Variants in SIK2 observed in about 807,000 individuals in gnomAD.
SIK2 encodes the protein serine/threonine-protein kinase SIK2.
SIK2 carries 29 observed loss-of-function variants against 103.2 expected under a neutral mutation model. The observed-to-expected ratio is 0.28, with a 90% CI of 0.21 to 0.38. The LOEUF is 0.38. SIK2 is among the 10% of genes least tolerant of loss of function. The pLI is 1.00. For synonymous variants in SIK2, 412 were observed against 446.1 expected (o/e 0.92, Z 0.96); for missense variants, 879 against 1,171.0 (o/e 0.75, Z 3.64).
chr11:111,628,224 C>T (rs1429519403), intron 3 of SIK2, among the ~76,000 whole-genome samples: 1 of 151,982 alleles, frequency 6.6e-6, no homozygotes, highest in Non-Finnish European at 1.5e-5. Context: ...TATAAACCAA[C>T]CTTCCTTTCT....
intron 10 of SIK2, 144 bp from the exon 11 acceptor site, chr11:111,720,334 C>T: frequency 1.1e-6 from 1 of 876,258 alleles, no homozygotes; most frequent in Non-Finnish European, 1.7e-6. Flanking sequence ...ACTAAATTGG[C>T]CAGTAAAAGG....
At chr11:111,630,798 A>C (rs1942027760) in intron 3 of SIK2, among the ~76,000 whole-genome samples, 1 of 152,204 alleles carries the variant, frequency 6.6e-6, no homozygotes, top group African/African-American at 2.4e-5. Context: ...TGGAAGCTAC[A>C]ACCAGATTTC....
At chr11:111,607,678 T>G (rs1346814040) in intron 1 of SIK2, among the ~76,000 whole-genome samples, 1 of 152,212 alleles carries the variant, frequency 6.6e-6, no homozygotes, top group Non-Finnish European at 1.5e-5. Flanking sequence ...ATTGTATTTG[T>G]CATGGAATAT....
chr11:111,698,883 G>C (rs908483181), intron 4 of SIK2, among the ~76,000 whole-genome samples: 1 of 152,190 alleles, frequency 6.6e-6, no homozygotes, highest in African/African-American at 2.4e-5. Context: ...GCTTTATCCT[G>C]TGAGTGAAAT....
At chr11:111,683,271 A>G (rs1234155002) in intron 3 of SIK2, 1 of 152,186 alleles carries the variant, frequency 6.6e-6, no homozygotes, top group Non-Finnish European at 1.5e-5. Context: ...AACCATCCCC[A>G]ATAGAGGAGG....
chr11:111,624,732 G>A (rs1457097328), intron 3 of SIK2, among the ~76,000 whole-genome samples: 3 of 152,216 alleles, frequency 2.0e-5, no homozygotes, highest in African/African-American at 4.8e-5. Flanking sequence ...ATAGTGATGA[G>A]TGCTATGTAA....
intron 3 of SIK2, among the ~76,000 whole-genome samples, chr11:111,666,004 A>C (rs1327037890): frequency 1.3e-5 from 2 of 152,226 alleles, no homozygotes; most frequent in Admixed American, 1.3e-4. Flanking sequence ...TAGACGCTTT[A>C]CAATGTGTGT....
intron 3 of SIK2, among the ~76,000 whole-genome samples, chr11:111,634,118 T>G (rs1942074507): frequency 6.6e-6 from 1 of 152,168 alleles, no homozygotes; most frequent in South Asian, 2.1e-4. Context: ...CCCAGGGTCT[T>G]TATTTACAGA....
intron 3 of SIK2, among the ~76,000 whole-genome samples, chr11:111,682,533 A>C (rs1422507260): frequency 6.6e-6 from 1 of 152,248 alleles, no homozygotes; most frequent in East Asian, 1.9e-4. Flanking sequence ...ATGATATTGC[A>C]CTTATGTAAG....
intron 3 of SIK2, among the ~76,000 whole-genome samples, chr11:111,660,324 T>C (rs903653756): frequency 2.0e-5 from 3 of 152,156 alleles, no homozygotes; most frequent in Non-Finnish European, 2.9e-5. Context: ...GAAAAGCCCT[T>C]AGGTCCATAT....
rs773754846 is a variant in SIK2 at position 111,701,029 on chromosome 11, G to C, written c.603+19G>C. 2.5e-6 allele frequency: 4 copies of C among 1,611,938 alleles called. No individual in the cohort carries two copies. Among genetic ancestry groups the C allele is most frequent in the South Asian group, 1.1e-5 (1 of 90,974 alleles). On this transcript the variant is annotated intron_variant, in intron 5 of 14. Transcript: ENST00000304987. This position sits in a 1 kb window ranked among gnomAD's most constrained non-coding sequence, Gnocchi z 4.2. ...CATCTGGGTACTGCTTTGCTTTGCT[G>C]TGTTGTTAAATGCATCTATACTGAT...
rs11337076 is a variant in SIK2 at position 111,656,023 on chromosome 11, C to CA, written c.317-31960dup. Among the ~76,000 whole-genome samples, 669 of 121,882 alleles carry CA rather than the reference C, an allele frequency of 5.5e-3. 6 individuals are homozygous for CA. Among genetic ancestry groups the CA allele is most frequent in the Middle Eastern group, 0.017 (4 of 242 alleles). The allele number at this position is 121,882 out of a possible 152,430, so 80.0% of individuals were successfully genotyped here. A position where few individuals can be genotyped will look rare whatever the true frequency, so the allele number is the denominator to read the frequency against. ...CACAACCCTGTCTATACTAAAAATG[C>CA]AAAAAAAAAAAAAAAAAATAGCCTG... On this transcript the variant is annotated intron_variant, in intron 3 of 14. Transcript: ENST00000304987.
rs144049128 is a variant in SIK2, at chr11:111,724,390, C to G, written c.*261C>G. The G allele has an allele frequency of 1.6e-5, 8 of 508,566 alleles. No individual in the cohort carries two copies. Among genetic ancestry groups the G allele is most frequent in the Non-Finnish European group, 2.8e-5 (8 of 283,438 alleles). The allele number at this position is 508,566 out of a possible 1,614,324, so 31.5% of individuals were successfully genotyped here. A position where few individuals can be genotyped will look rare whatever the true frequency, so the allele number is the denominator to read the frequency against. Reference sequence around the variant, plus strand: ...GCCCTTCGGTCGAGTGGAGCAAGCTCTCGAGGGCAGCACTGACAAATGTGT... The same window carrying G: ...GCCCTTCGGTCGAGTGGAGCAAGCTGTCGAGGGCAGCACTGACAAATGTGT... On this transcript the variant is annotated 3_prime_UTR_variant, in exon 15 of 15. Transcript: ENST00000304987.
chr11:111,672,256 G>T, intron 3 of SIK2: 1 of 358,180 alleles, frequency 2.8e-6, no homozygotes, highest in Non-Finnish European at 5.2e-6. Flanking sequence ...TGGCACTTAG[G>T]CCACCCAGGA....
chr11:111,643,193 A>G (rs868067365), intron 3 of SIK2, among the ~76,000 whole-genome samples: 4 of 152,216 alleles, frequency 2.6e-5, no homozygotes, highest in Admixed American at 6.5e-5. Context: ...AACCCCTAGT[A>G]AAGTGCTTTT....
At chr11:111,612,948 T>TATATATATATATATA (rs1555024123) in intron 1 of SIK2, among the ~76,000 whole-genome samples, 12 of 95,722 alleles carry the variant, frequency 1.3e-4, no homozygotes, top group Middle Eastern at 5.5e-3. Context: ...ATATATATAT[T>TATATATATATATATA]TATGATCATA....
intron 3 of SIK2, among the ~76,000 whole-genome samples, chr11:111,661,594 A>C (rs188797065): frequency 2.2e-4 from 33 of 152,354 alleles, no homozygotes; most frequent in Admixed American, 1.3e-3. Flanking sequence ...AAATTAAAAG[A>C]CTGAGACTGT....
In SIK2 at chr11:111,684,313, T is replaced by G. The variant is rs530770168; in HGVS notation, c.317-3688T>G. On this transcript the variant is annotated intron_variant, in intron 3 of 14. Coordinates refer to ENST00000304987, the MANE Select transcript of SIK2 (RefSeq NM_015191.3). ...CTAGGACTCATTTTGTAGTCAGTAG[T>G]TTGGGGTCTCTTTCTATATATGTAA... Among the ~76,000 whole-genome samples, 8 of 152,268 alleles carry G rather than the reference T, an allele frequency of 5.3e-5. No individual in the cohort carries two copies. In the East Asian group the frequency reaches 1.5e-3, roughly 29 times the overall value.
At chr11:111,665,964 A>C (rs1942535013) in intron 3 of SIK2, among the ~76,000 whole-genome samples, 1 of 152,206 alleles carries the variant, frequency 6.6e-6, no homozygotes, top group Admixed American at 6.5e-5. Context: ...ACCACCGTTA[A>C]GGGTCAGAAC....
Sources: gnomAD v4.1 joint callset for allele counts (sites outside exome capture counted in the v4.1 genomes callset) on GRCh38, gnomAD v4.1.1 for gene constraint, Gnocchi (gnomAD v3.1) non-coding constraint, MANE v1.5 for transcripts, NCBI Gene and HGNC (gene_info 2026-07-23, HGNC 2026-07-21) for gene names.